LIPC: variants seen among roughly 807,000 people sequenced by gnomAD.
The protein encoded by LIPC is lipase C, hepatic type.
A neutral mutation model predicts 50.7 loss-of-function variants in LIPC; 44 were observed. The ratio of observed to expected loss-of-function variants is 0.87; its 90% CI spans 0.68 to 1.11. The LOEUF (loss-of-function observed/expected upper bound fraction) is 1.11. LIPC is among the 50% of genes most tolerant of loss of function. The pLI, the probability that LIPC is intolerant of heterozygous loss-of-function variation, is 0.00. For missense variants in LIPC, 697 were observed against 648.2 expected (o/e 1.08, Z -0.82); for synonymous variants, 271 against 256.4 (o/e 1.06, Z -0.54).
chr15:58,449,771 T>C lies in LIPC; in HGVS notation c.88+17651T>C, dbSNP rs199591803. Among the ~76,000 whole-genome samples the C allele has an allele frequency of 3.3e-5, 5 of 152,254 alleles. No homozygotes were observed. In the East Asian group the frequency reaches 9.7e-4, roughly 29 times the overall value. ...GCCAGGCTGGTCTTGAACTCCTGAC[T>C]TCAAGAGATCCCCCCTCCTCGGACT... On this transcript the variant is annotated intron_variant, in intron 1 of 8. Transcript: ENST00000299022.
chr15:58,504,717 G>C (rs543445809), intron 1 of LIPC, among the ~76,000 whole-genome samples: 1 of 152,286 alleles, frequency 6.6e-6, no homozygotes, highest in Non-Finnish European at 1.5e-5. Context: ...ATTATTGTCA[G>C]AAACAAGACA....
At chr15:58,437,330 C>T (rs1475962332) in intron 1 of LIPC, among the ~76,000 whole-genome samples, 1 of 151,862 alleles carries the variant, frequency 6.6e-6, no homozygotes. Context: ...TCAGTAACAA[C>T]TGGTCTTGCA....
intron 1 of LIPC, among the ~76,000 whole-genome samples, chr15:58,470,242 C>A (rs544920367): frequency 2.0e-5 from 3 of 152,182 alleles, no homozygotes; most frequent in African/African-American, 7.2e-5. Flanking sequence ...GGAATGCATT[C>A]TTTGAATTTT....
intron 6 of LIPC, among the ~76,000 whole-genome samples, chr15:58,548,812 G>T (rs1893640475): frequency 6.6e-6 from 1 of 152,172 alleles, no homozygotes; most frequent in African/African-American, 2.4e-5. Flanking sequence ...ACGATCCTTG[G>T]GTTGGCCTCT....
rs72740899 is a variant in LIPC at position 58,497,397 on chromosome 15, G to A, written c.89-40936G>A. Among the ~76,000 whole-genome samples the A allele has an allele frequency of 8.0e-3, 1,219 of 152,262 alleles. 12 individuals carry two copies. The highest frequency in any genetic ancestry group is 0.014 in the Non-Finnish European group (939 of 67,992). ...TGTGTTTATTGGGCAAGGAGAAGGG[G>A]TCTCTGAGCCCAAAGACCTTCTTGG... is the stretch of plus-strand genomic sequence containing the variant. On this transcript the variant is annotated intron_variant, in intron 1 of 8. Transcript: ENST00000299022.
intron 1 of LIPC, among the ~76,000 whole-genome samples, chr15:58,471,832 C>T (rs1890819174): frequency 6.6e-6 from 1 of 152,232 alleles, no homozygotes; most frequent in Non-Finnish European, 1.5e-5. Flanking sequence ...CCTTACTGCC[C>T]TACCAGTCCA....
intron 1 of LIPC, among the ~76,000 whole-genome samples, chr15:58,536,293 G>A (rs1354620672): frequency 6.6e-6 from 1 of 152,130 alleles, no homozygotes; most frequent in Non-Finnish European, 1.5e-5. Flanking sequence ...GCAGGAGAAC[G>A]AAAAGAGAGG....
intron 1 of LIPC, among the ~76,000 whole-genome samples, chr15:58,452,334 T>A (rs1893932047): frequency 6.6e-6 from 1 of 152,222 alleles, no homozygotes; most frequent in Admixed American, 6.5e-5. Context: ...AACGTCTGCC[T>A]ATAAATGTAT....
At chr15:58,439,737 C>T (rs1216867482) in intron 1 of LIPC, among the ~76,000 whole-genome samples, 2 of 152,220 alleles carry the variant, frequency 1.3e-5, no homozygotes, top group Admixed American at 6.5e-5. Context: ...CCACCGCCCC[C>T]GGCCAGGGCT....
chr15:58,524,221 T>C (rs1177943570), intron 1 of LIPC, among the ~76,000 whole-genome samples: 1 of 152,214 alleles, frequency 6.6e-6, no homozygotes, highest in Non-Finnish European at 1.5e-5. Flanking sequence ...TTCTGCACCT[T>C]ACTTTGGCAA....
In LIPC at chr15:58,538,397, AT is replaced by A. The variant is rs1893209277; in HGVS notation, c.155del (p.Phe52SerfsTer33). The A allele has an allele frequency of 6.2e-7, 1 of 1,613,914 alleles. No individual in the cohort carries two copies. The highest frequency in any genetic ancestry group is 8.5e-7 in the Non-Finnish European group (1 of 1,179,876). On this transcript the variant is annotated frameshift_variant, in exon 2 of 9. Transcript: ENST00000299022. LOFTEE classifies it high-confidence loss of function. The part of the protein sequence containing the change: ...NKTLHEMKTR[F>X]LLFGETNQGC... The stretch of plus-strand genomic sequence containing the variant: ...AAACGCTGCATGAGATGAAGACCAG[AT>A]TCCTGCTCTTTGGAGAAACCAATCA...
chr15:58,566,846 C>G (rs979666296), intron 8 of LIPC, among the ~76,000 whole-genome samples: 1 of 152,238 alleles, frequency 6.6e-6, no homozygotes, highest in East Asian at 1.9e-4. Flanking sequence ...GGCAGGAATT[C>G]AAAAACGGAC....
chr15:58,560,177 A>G (rs1306015702), intron 6 of LIPC, among the ~76,000 whole-genome samples: 8 of 152,246 alleles, frequency 5.3e-5, no homozygotes, highest in African/African-American at 1.9e-4. Context: ...TGTAGACTGT[A>G]TTAGGTAAAG....
At chr15:58,509,547 T>C (rs1304977408) in intron 1 of LIPC, among the ~76,000 whole-genome samples, 1 of 152,218 alleles carries the variant, frequency 6.6e-6, no homozygotes, top group African/African-American at 2.4e-5. Context: ...GTTCAGTAAA[T>C]AAATATAATT....
chr15:58,526,505 A>C (rs1263466302), intron 1 of LIPC, among the ~76,000 whole-genome samples: 3 of 152,212 alleles, frequency 2.0e-5, no homozygotes, highest in Non-Finnish European at 4.4e-5. Flanking sequence ...TGCCCAGAAC[A>C]ACCTGGCCAA....
At chr15:58,463,457 A>G (rs1017806505) in intron 1 of LIPC, among the ~76,000 whole-genome samples, 2 of 152,166 alleles carry the variant, frequency 1.3e-5, no homozygotes, top group Non-Finnish European at 2.9e-5. Flanking sequence ...AAGCTGTGCT[A>G]TATCCACAAT....
At chr15:58,550,797 G>T (rs1026585707) in intron 6 of LIPC, among the ~76,000 whole-genome samples, 3 of 142,218 alleles carry the variant, frequency 2.1e-5, no homozygotes. Flanking sequence ...GCTGTGGCTT[G>T]TACCACACCC....
chr15:58,494,806 A>G (rs1251921164), intron 1 of LIPC: 1 of 456,164 alleles, frequency 2.2e-6, no homozygotes, highest in Non-Finnish European at 4.4e-6. Context: ...AGTTCTTGCT[A>G]GTTCTTGCTT....
intron 1 of LIPC, among the ~76,000 whole-genome samples, chr15:58,530,547 T>C (rs1430177486): frequency 6.6e-6 from 1 of 152,258 alleles, no homozygotes; most frequent in African/African-American, 2.4e-5. Flanking sequence ...ATTGCTTGAC[T>C]ATAGTGCAGT....
Sources: allele counts gnomAD v4.1 joint callset (sites outside exome capture counted in the v4.1 genomes callset), GRCh38; gene constraint gnomAD v4.1.1; transcripts MANE v1.5; gene names NCBI Gene and HGNC (gene_info 2026-07-23, HGNC 2026-07-21).